ERGIC1: variants seen among roughly 807,000 people sequenced by gnomAD.
The protein encoded by ERGIC1 is endoplasmic reticulum-golgi intermediate compartment 1.
A neutral mutation model predicts 38.3 loss-of-function variants in ERGIC1; 19 were observed. The observed-to-expected ratio is 0.50, with a 90% CI of 0.35 to 0.73. The LOEUF is 0.73. ERGIC1 is among the 30% of genes least tolerant of loss of function. The pLI, the probability that ERGIC1 is intolerant of heterozygous loss-of-function variation, is 0.01. For synonymous variants in ERGIC1, 124 were observed against 157.6 expected (o/e 0.79, Z 1.60); for missense variants, 294 against 389.2 (o/e 0.76, Z 2.06).
chr5:172,914,064 G>A (rs1186485764), intron 4 of ERGIC1, among the ~76,000 whole-genome samples: 8 of 151,588 alleles, frequency 5.3e-5, no homozygotes, highest in Admixed American at 1.3e-4. Context: ...GTGAAACCCC[G>A]TCTCTACTAA....
intron 1 of ERGIC1, among the ~76,000 whole-genome samples, chr5:172,887,046 C>T (rs1762440422): frequency 2.0e-5 from 3 of 152,158 alleles, no homozygotes; most frequent in Admixed American, 6.5e-5. Context: ...AACTTGGCAG[C>T]CCGCAGGAAT....
At position 172,876,070 on chromosome 5, in the gene ERGIC1, T is replaced by C. The variant is rs564388274; in HGVS notation, c.21-12629T>C. Among the ~76,000 whole-genome samples, 379 of 152,290 alleles carry C rather than the reference T, an allele frequency of 2.5e-3. 1 individual carries two copies. Among genetic ancestry groups the C allele is most frequent in the South Asian group, 5.6e-3 (27 of 4,822 alleles). On this transcript the variant is annotated intron_variant, in intron 1 of 9. Coordinates refer to ENST00000393784, the MANE Select transcript of ERGIC1 (RefSeq NM_001031711.3). ...GCTGTGTGCTTTGTATTGTGTCACATTGAGAGGTACAGAACAACTGGCTTT... is the reference window on the plus strand; with the variant it reads ...GCTGTGTGCTTTGTATTGTGTCACACTGAGAGGTACAGAACAACTGGCTTT...
At chr5:172,873,298 C>T (rs1762063976) in intron 1 of ERGIC1, among the ~76,000 whole-genome samples, 1 of 152,232 alleles carries the variant, frequency 6.6e-6, no homozygotes, top group Admixed American at 6.5e-5. Flanking sequence ...CTCCCCCCAG[C>T]CCAGCACTCC....
rs949237853 is a variant in ERGIC1, at chr5:172,896,896, G to A, written c.83-106G>A. On this transcript the variant is annotated intron_variant, in intron 2 of 9. Coordinates refer to ENST00000393784, the MANE Select transcript of ERGIC1 (RefSeq NM_001031711.3). ...GGGCTCTGGAGGGTCTGTGGGCACA[G>A]CCCCACACCCTTGTCCTGGGGCCTC... is the stretch of plus-strand genomic sequence containing the variant. 2.1e-5 allele frequency: 22 copies of A among 1,050,320 alleles called. No homozygotes were observed. The South Asian group carries it at 3.0e-4, about 15-fold the overall frequency. 65.1% of individuals were successfully genotyped at this position (1,050,320 alleles called of 1,614,324 possible). A position where few individuals can be genotyped will look rare whatever the true frequency, so the allele number is the denominator to read the frequency against.
At chr5:172,868,317 G>A (rs793023) in intron 1 of ERGIC1, among the ~76,000 whole-genome samples, 136,110 of 152,234 alleles carry the variant, frequency 0.89, 61,805 homozygotes, top group East Asian at 1. Context: ...AAATCCGTGG[G>A]GATTGAAATA....
rs889638512 is a variant in ERGIC1 at position 172,882,138 on chromosome 5, T to G, written c.21-6561T>G. The stretch of plus-strand genomic sequence containing the variant: ...TTGAGCTCTCCCTTTACCCCACCAC[T>G]GCTGCCCAGCGTGGCTCTGTGGCGT... On this transcript the variant is annotated intron_variant, in intron 1 of 9. Transcript: ENST00000393784. Among the ~76,000 whole-genome samples the G allele has an allele frequency of 1.4e-4, 22 of 152,210 alleles. 1 individual carries two copies. Among genetic ancestry groups the G allele is most frequent in the African/African-American group, 5.3e-4 (22 of 41,460 alleles).
chr5:172,927,077 A>G (rs1763670569), intron 7 of ERGIC1: 1 of 163,634 alleles, frequency 6.1e-6, no homozygotes, highest in African/African-American at 2.4e-5. Context: ...GCTCCCTGGC[A>G]CCTTGGCCCA....
chr5:172,866,804 G>C (rs918988143), intron 1 of ERGIC1, among the ~76,000 whole-genome samples: 6 of 152,242 alleles, frequency 3.9e-5, no homozygotes, highest in Non-Finnish European at 7.3e-5. Context: ...GGCCTTCCCC[G>C]ATGCTTATCT....
intron 5 of ERGIC1, chr5:172,920,653 G>A (rs1212855702): frequency 5.3e-6 from 3 of 565,164 alleles, no homozygotes; most frequent in Non-Finnish European, 9.5e-6. Context: ...GAGGGGGAGT[G>A]GGTTCCTGAG....
In ERGIC1 at chr5:172,914,782, A is replaced by C. The variant is rs1255939345; in HGVS notation, c.319A>C (p.Ile107Leu). Reference sequence around the variant, plus strand: ...GGGCCACATCGACAACTCCATGAAGATCCCGCTGAACAATGGGGCAGGCTG... The same window carrying C: ...GGGCCACATCGACAACTCCATGAAGCTCCCGCTGAACAATGGGGCAGGCTG... ...EVGHIDNSMK[I>L]PLNNGAGCRF... The change falls in exon 5 of 10, where the codon ATC (isoleucine) becomes CTC (leucine). Residue 107 changes from isoleucine to leucine, a missense_variant. By Grantham distance (5) the Ile-to-Leu change is conservative. Transcript: ENST00000393784. 3 of 1,614,176 alleles carry C rather than the reference A, an allele frequency of 1.9e-6. No homozygotes were observed. Among genetic ancestry groups the C allele is most frequent in the Middle Eastern group, 1.6e-4 (1 of 6,062 alleles).
intron 1 of ERGIC1, among the ~76,000 whole-genome samples, chr5:172,877,332 C>G (rs1389437268): frequency 6.7e-6 from 1 of 150,036 alleles, no homozygotes; most frequent in Non-Finnish European, 1.5e-5. Flanking sequence ...TTCATGTCTT[C>G]TTTAATTTCC....
chr5:172,914,612 G>C (rs1446691302), intron 4 of ERGIC1, 102 bp from the exon 5 acceptor site: 1 of 1,600,110 alleles, frequency 6.2e-7, no homozygotes, highest in Non-Finnish European at 8.5e-7. Context: ...AGCCCGGCCT[G>C]CCCCTGCAAT....
chr5:172,845,927 G>A (rs1441684586), intron 1 of ERGIC1, among the ~76,000 whole-genome samples: 2 of 152,064 alleles, frequency 1.3e-5, no homozygotes, highest in African/African-American at 2.4e-5. Flanking sequence ...TCTGGGTGGG[G>A]GCAGTTTCTC....
intron 9 of ERGIC1, chr5:172,935,619 A>T (rs1763872925): frequency 3.4e-6 from 1 of 291,090 alleles, no homozygotes; most frequent in African/African-American, 2.1e-5. Flanking sequence ...CCAGCTTTTT[A>T]TTGTTATGGA....
At position 172,877,461 on chromosome 5, in the gene ERGIC1, T is replaced by A. The variant is rs1345457166; in HGVS notation, c.21-11238T>A. Among the ~76,000 whole-genome samples, 1,207 of 125,480 alleles carry A rather than the reference T, an allele frequency of 9.6e-3. 20 individuals are homozygous for A. Among genetic ancestry groups the A allele is most frequent in the African/African-American group, 0.027 (878 of 32,780 alleles). 82.3% of individuals were successfully genotyped at this position (125,480 alleles called of 152,430 possible). ...GTGTGTATATATATATATATATATT[T>A]TTTTTTTTTTTTTTTGAGATGGAGT... On this transcript the variant is annotated intron_variant, in intron 1 of 9. Coordinates refer to ENST00000393784, the MANE Select transcript of ERGIC1 (RefSeq NM_001031711.3).
At chr5:172,861,476 C>T (rs1217748540) in intron 1 of ERGIC1, among the ~76,000 whole-genome samples, 1 of 152,210 alleles carries the variant, frequency 6.6e-6, no homozygotes, top group Non-Finnish European at 1.5e-5. Context: ...TGCCTGTTGC[C>T]CCAGTGCCAT....
chr5:172,892,060 ATG>A (rs1159901416), intron 2 of ERGIC1, among the ~76,000 whole-genome samples: 20 of 125,528 alleles, frequency 1.6e-4, no homozygotes, highest in South Asian at 5.1e-4. Context: ...GTTAAAGAGT[ATG>A]TTTTTTTTTT....
At chr5:172,929,674 CAG>C (rs1445770820) in intron 7 of ERGIC1, among the ~76,000 whole-genome samples, 1 of 152,164 alleles carries the variant, frequency 6.6e-6, no homozygotes, top group Non-Finnish European at 1.5e-5. Context: ...GGAACCACGT[CAG>C]TGTCCAGCCA....
At position 172,926,427 on chromosome 5, in the gene ERGIC1, A is replaced by G; in HGVS notation, c.481-82A>G. ...TGGTAGGGTTCCTAGACCAGGTGGTACCTGGCCATCCCCCACAACCAGGGC... is the reference window on the plus strand; with the variant it reads ...TGGTAGGGTTCCTAGACCAGGTGGTGCCTGGCCATCCCCCACAACCAGGGC... On this transcript the variant is annotated intron_variant, in intron 6 of 9. Transcript: ENST00000393784. This position sits in a 1 kb window ranked among gnomAD's most constrained non-coding sequence, Gnocchi z 5.2. 2 of 1,508,072 alleles carry G rather than the reference A, an allele frequency of 1.3e-6. No individual in the cohort carries two copies. Among genetic ancestry groups the G allele is most frequent in the Admixed American group, 1.7e-5 (1 of 59,646 alleles). 93.4% of individuals were successfully genotyped at this position (1,508,072 alleles called of 1,614,324 possible).
Sources: gnomAD v4.1 joint callset for allele counts (sites outside exome capture counted in the v4.1 genomes callset) on GRCh38, gnomAD v4.1.1 for gene constraint, Gnocchi (gnomAD v3.1) non-coding constraint, MANE v1.5 for transcripts, NCBI Gene and HGNC (gene_info 2026-07-23, HGNC 2026-07-21) for gene names.